The following IGSF21 variants were observed in gnomAD, a reference collection of about 807,000 sequenced individuals.
The protein encoded by IGSF21 is immunoglobin superfamily member 21.
In IGSF21, 28 loss-of-function variants were observed where a neutral mutation model predicts 46.8. The observed-to-expected ratio is 0.60, with a 90% confidence interval of 0.44 to 0.82. The LOEUF is 0.82. Ranked by LOEUF, IGSF21 falls within the 40% of genes least tolerant of loss-of-function variation. IGSF21 has a pLI of 0.00. For synonymous variants in IGSF21, 284 were observed against 273.6 expected (o/e 1.04, Z -0.38); for missense variants, 624 against 665.5 (o/e 0.94, Z 0.69).
intron 2 of IGSF21, among the ~76,000 whole-genome samples, chr1:18,258,081 G>T (rs2084908370): frequency 6.6e-6 from 1 of 152,142 alleles, no homozygotes; most frequent in South Asian, 2.1e-4. Flanking sequence ...AGCCTCTGTT[G>T]GCTTCTTCAA....
chr1:18,117,989 T>G (rs991902060), intron 1 of IGSF21, among the ~76,000 whole-genome samples: 16 of 152,328 alleles, frequency 1.1e-4, no homozygotes, highest in African/African-American at 3.6e-4. Flanking sequence ...ACCCACCACC[T>G]GAAGAGCCTG....
At chr1:18,147,032 C>T (rs1349203993) in intron 1 of IGSF21, among the ~76,000 whole-genome samples, 3 of 152,222 alleles carry the variant, frequency 2.0e-5, no homozygotes, top group African/African-American at 4.8e-5. Context: ...TCCCCCAATA[C>T]ATCCTGCATC....
chr1:18,297,369 A>T (rs2085321414), intron 3 of IGSF21, among the ~76,000 whole-genome samples: 1 of 152,134 alleles, frequency 6.6e-6, no homozygotes, highest in Admixed American at 6.5e-5. Context: ...CAACACTCAC[A>T]TCATTCATTC....
chr1:18,142,816 C>A (rs1007038664), intron 1 of IGSF21, among the ~76,000 whole-genome samples: 1 of 152,188 alleles, frequency 6.6e-6, no homozygotes, highest in Non-Finnish European at 1.5e-5. Flanking sequence ...AAAGCACTAG[C>A]GAGTGGGACA....
At chr1:18,117,243 A>G (rs552948930) in intron 1 of IGSF21, among the ~76,000 whole-genome samples, 7 of 152,360 alleles carry the variant, frequency 4.6e-5, no homozygotes, top group Admixed American at 2.6e-4. Flanking sequence ...TTCTCCCAGC[A>G]CATCCTGACC....
In IGSF21 at chr1:18,356,402, T is replaced by C. The variant is rs542837883; in HGVS notation, c.425-5713T>C. ...ACTGGACATCATTGTCTACAGGTGA[T>C]AACAGAAGAGTGGGAGGGAGATTGG... is the stretch of plus-strand genomic sequence containing the variant. On this transcript the variant is annotated intron_variant, in intron 4 of 9. Coordinates refer to ENST00000251296, the MANE Select transcript of IGSF21 (RefSeq NM_032880.5). Among the ~76,000 whole-genome samples, 6 of 152,300 alleles carry C rather than the reference T, an allele frequency of 3.9e-5. No homozygotes were observed. In the East Asian group the frequency reaches 9.7e-4, roughly 25 times the overall value.
In IGSF21 at chr1:18,233,155, C is replaced by T. The variant is rs553599368; in HGVS notation, c.183+5145C>T. 1.2e-3 allele frequency among the ~76,000 whole-genome samples: 178 copies of T among 152,250 alleles called. 2 individuals carry two copies. Among genetic ancestry groups the T allele is most frequent in the African/African-American group, 4.1e-3 (170 of 41,542 alleles). ...ATTTGTTCCCAGGAGCCACTCTGGG[C>T]CCAGGTTACAAGGCCACAGAAAAGA... On this transcript the variant is annotated intron_variant, in intron 2 of 9. Coordinates refer to ENST00000251296, the MANE Select transcript of IGSF21 (RefSeq NM_032880.5).
At chr1:18,158,302 G>A (rs1331012782) in intron 1 of IGSF21, among the ~76,000 whole-genome samples, 3 of 152,152 alleles carry the variant, frequency 2.0e-5, no homozygotes, top group Admixed American at 6.5e-5. Context: ...GTGCACCCTC[G>A]GCATTAATTA....
chr1:18,360,714 A>T (rs2086091125), intron 4 of IGSF21, among the ~76,000 whole-genome samples: 1 of 152,202 alleles, frequency 6.6e-6, no homozygotes, highest in South Asian at 2.1e-4. Flanking sequence ...CCTGCTGATT[A>T]TGAGGAGGTT....
At chr1:18,338,860 T>A (rs143502959) in intron 4 of IGSF21, among the ~76,000 whole-genome samples, 11 of 150,816 alleles carry the variant, frequency 7.3e-5, no homozygotes, top group African/African-American at 2.7e-4. Context: ...TACACAGTCA[T>A]GGAAGGATTT....
At chr1:18,301,744 A>G (rs538324246) in intron 3 of IGSF21, among the ~76,000 whole-genome samples, 1 of 152,254 alleles carries the variant, frequency 6.6e-6, no homozygotes, top group East Asian at 1.9e-4. Flanking sequence ...GTGTGTACAC[A>G]GAGGATCTAC....
In IGSF21 at chr1:18,284,253, G is replaced by C. The variant is rs143160021; in HGVS notation, c.184-7613G>C. On this transcript the variant is annotated intron_variant, in intron 2 of 9. Coordinates refer to ENST00000251296, the MANE Select transcript of IGSF21 (RefSeq NM_032880.5). ...CTTTCTAGGCATACTTTCTGAGTGG[G>C]TGGGATGGCGGCAGATCTGCTTAAG... 3.1e-3 allele frequency among the ~76,000 whole-genome samples: 465 copies of C among 152,312 alleles called. 7 individuals carry two copies. Among genetic ancestry groups the C allele is most frequent in the South Asian group, 0.017 (83 of 4,828 alleles).
At chr1:18,300,329 A>T (rs1424832044) in intron 3 of IGSF21, among the ~76,000 whole-genome samples, 1 of 152,168 alleles carries the variant, frequency 6.6e-6, no homozygotes, top group Non-Finnish European at 1.5e-5. Context: ...AATCCCATCC[A>T]CCTGCTCGGA....
In IGSF21 at chr1:18,221,115, G is replaced by A. The variant is rs567104760; in HGVS notation, c.71-6783G>A. 4.4e-4 allele frequency among the ~76,000 whole-genome samples: 67 copies of A among 152,278 alleles called. No individual in the cohort carries two copies. The South Asian group carries it at 0.013, about 31-fold the overall frequency. On this transcript the variant is annotated intron_variant, in intron 1 of 9. Coordinates refer to ENST00000251296, the MANE Select transcript of IGSF21 (RefSeq NM_032880.5). ...CCCAAGAGCAGCCATGCTCTGAGGAGGGGATTACCATTCACTTTCCTTCAG... is the reference window on the plus strand; with the variant it reads ...CCCAAGAGCAGCCATGCTCTGAGGAAGGGATTACCATTCACTTTCCTTCAG...
chr1:18,161,044 T>C (rs1351978833), intron 1 of IGSF21, among the ~76,000 whole-genome samples: 1 of 152,184 alleles, frequency 6.6e-6, no homozygotes, highest in Non-Finnish European at 1.5e-5. Flanking sequence ...TGCTGGGGCC[T>C]GGCCAGGGAA....
chr1:18,111,053 C>T (rs2086139051), intron 1 of IGSF21: 1 of 152,306 alleles, frequency 6.6e-6, no homozygotes, highest in Non-Finnish European at 1.5e-5. Flanking sequence ...GGGGCTGTCT[C>T]CGCTAGGCCG....
chr1:18,150,736 C>T (rs777119647), intron 1 of IGSF21, among the ~76,000 whole-genome samples: 15 of 152,226 alleles, frequency 9.9e-5, no homozygotes, highest in Non-Finnish European at 1.6e-4. Flanking sequence ...CAGTGTCCTC[C>T]GTCACCAATG....
chr1:18,169,761 G>A (rs1403736773), intron 1 of IGSF21, among the ~76,000 whole-genome samples: 1 of 152,164 alleles, frequency 6.6e-6, no homozygotes, highest in Admixed American at 6.5e-5. Flanking sequence ...TGGAGTCCTG[G>A]GGGTGCGGGG....
chr1:18,364,735 G>T (rs1012885779), intron 5 of IGSF21, among the ~76,000 whole-genome samples: 1 of 152,004 alleles, frequency 6.6e-6, no homozygotes, highest in African/African-American at 2.4e-5. Context: ...CACGCACAGA[G>T]ATTCTTTCTT....
Sources: gnomAD v4.1 joint callset for allele counts (sites outside exome capture counted in the v4.1 genomes callset) on GRCh38, gnomAD v4.1.1 for gene constraint, MANE v1.5 for transcripts, NCBI Gene and HGNC (gene_info 2026-07-23, HGNC 2026-07-21) for gene names.